PDCD6: variants seen among roughly 807,000 people sequenced by gnomAD.
PDCD6 encodes programmed cell death 6.
Under a neutral mutation model 28.3 loss-of-function variants are expected in PDCD6, and 12 were observed. The ratio of observed to expected loss-of-function variants is 0.42; its 90% CI spans 0.27 to 0.69. The LOEUF (loss-of-function observed/expected upper bound fraction) is 0.69, where lower values mean the gene tolerates loss of function less well. Ranked by LOEUF, PDCD6 falls within the 30% of genes least tolerant of loss-of-function variation. The pLI is 0.22. For synonymous variants in PDCD6, 92 were observed against 108.0 expected (o/e 0.85, Z 0.92); for missense variants, 226 against 269.9 (o/e 0.84, Z 1.14).
rs946512959 is a variant in PDCD6, at chr5:307,734, G to A, written c.367+974G>A. Reference sequence around the variant, plus strand: ...TCCTTAGAAACAGTGAGGAAAATTCGATTCTACTTGAGTACCTCCGAGATC... The same window carrying A: ...TCCTTAGAAACAGTGAGGAAAATTCAATTCTACTTGAGTACCTCCGAGATC... On this transcript the variant is annotated intron_variant, in intron 4 of 5. Coordinates refer to ENST00000264933, the MANE Select transcript of PDCD6 (RefSeq NM_013232.4). This position sits in a 1 kb window ranked among gnomAD's most constrained non-coding sequence, Gnocchi z 6.1. Among the ~76,000 whole-genome samples, 2 of 152,104 alleles carry A rather than the reference G, an allele frequency of 1.3e-5. No individual in the cohort carries two copies. Among genetic ancestry groups the A allele is most frequent in the Admixed American group, 6.5e-5 (1 of 15,280 alleles).
chr5:279,918 C>G (rs1299469871), intron 2 of PDCD6, among the ~76,000 whole-genome samples: 2 of 144,600 alleles, frequency 1.4e-5, no homozygotes, highest in African/African-American at 5.2e-5. Flanking sequence ...GGGCAAGTTC[C>G]GAGTGCTAGG....
chr5:272,112 C>A (rs1737858789), intron 1 of PDCD6, among the ~76,000 whole-genome samples: 1 of 151,386 alleles, frequency 6.6e-6, no homozygotes, highest in African/African-American at 2.5e-5. Context: ...TGCGTCGGGC[C>A]CTTCCCAAGA....
At chr5:284,660 G>A (rs1278236282) in intron 2 of PDCD6, among the ~76,000 whole-genome samples, 12 of 92,828 alleles carry the variant, frequency 1.3e-4, no homozygotes, top group African/African-American at 9.4e-4. Context: ...GAGACCGGGC[G>A]GGAGCTGATG....
chr5:289,989 C>A (rs1217473232), intron 2 of PDCD6: 2 of 1,600,930 alleles, frequency 1.2e-6, no homozygotes, highest in Non-Finnish European at 1.7e-6. Context: ...TATAGTTTCT[C>A]CTTGGATCTG....
chr5:279,205 C>G (rs1374676654), intron 2 of PDCD6, among the ~76,000 whole-genome samples: 10 of 151,880 alleles, frequency 6.6e-5, no homozygotes, highest in African/African-American at 2.4e-4. Context: ...TCATTCCCCC[C>G]TAAGAGTATG....
intron 2 of PDCD6, among the ~76,000 whole-genome samples, chr5:293,302 G>A (rs1739423174): frequency 6.7e-6 from 1 of 149,354 alleles, no homozygotes. Context: ...GATGGAGAAA[G>A]GTATGACAGG....
Position 314,829 on chromosome 5 carries a change from G to A in PDCD6, c.*314G>A, listed in dbSNP as rs979264025. 4 of 425,918 alleles carry A rather than the reference G, an allele frequency of 9.4e-6. No individual in the cohort carries two copies. Among genetic ancestry groups the A allele is most frequent in the African/African-American group, 2.0e-5 (1 of 49,506 alleles). The allele number at this position is 425,918 out of a possible 1,614,324, so 26.4% of individuals were successfully genotyped here. A position where few individuals can be genotyped will look rare whatever the true frequency, so the allele number is the denominator to read the frequency against. ...TTCTAGATGTCTCTGGTTCTATAGTGCAAATGCTTTTATTAGCCAATAGGA... is the reference window on the plus strand; with the variant it reads ...TTCTAGATGTCTCTGGTTCTATAGTACAAATGCTTTTATTAGCCAATAGGA... On this transcript the variant is annotated 3_prime_UTR_variant, in exon 6 of 6. Coordinates refer to ENST00000264933, the MANE Select transcript of PDCD6 (RefSeq NM_013232.4).
chr5:296,446 G>A (rs1444114613), intron 2 of PDCD6, among the ~76,000 whole-genome samples: 3 of 152,204 alleles, frequency 2.0e-5, no homozygotes, highest in African/African-American at 4.8e-5. Context: ...ACAGACCTAA[G>A]TGGGAAGAGA....
At chr5:309,588 GGCCGCCGTCCCCGTGC>G (rs1740762520) in intron 4 of PDCD6, 1 of 234,208 alleles carries the variant, frequency 4.3e-6, no homozygotes, top group East Asian at 1.8e-4. Flanking sequence ...CCCCAGTGAT[GGCCGCCGTCCCCGTGC>G]ACCCCAGTGA....
chr5:306,685 G>T lies in PDCD6; in HGVS notation c.292G>T (p.Val98Phe), dbSNP rs777478206. 4 of 1,614,046 alleles carry T rather than the reference G, an allele frequency of 2.5e-6. No homozygotes were observed. Among genetic ancestry groups the T allele is most frequent in the Non-Finnish European group, 3.4e-6 (4 of 1,179,992 alleles). ...VWKYITDWQN[V>F]FRTYDRDNSG... ...GAAGTACATCACGGACTGGCAGAAC[G>T]TCTTCCGCACGTACGACCGGGACAA... The change falls in exon 4 of 6, where the codon GTC becomes TTC. Residue 98 changes from valine to phenylalanine, a missense_variant. Around this residue, in one of 3 missense-constraint regions of PDCD6, gnomAD observed 151 missense variants for 177.2 expected, o/e 0.85. Transcript: ENST00000264933.
rs1740374299 is a variant in PDCD6 at position 305,002 on chromosome 5, G to T, written c.208+781G>T. ...CCCCCATGCCCAGACGGTAGCCGGG[G>T]TGTGAGCTGAGGCTCCAGGCGCAGG... On this transcript the variant is annotated intron_variant, in intron 3 of 5. Transcript: ENST00000264933. This position sits in a 1 kb window ranked among gnomAD's most constrained non-coding sequence, Gnocchi z 4.0. 1 of 152,188 alleles carries T rather than the reference G, an allele frequency of 6.6e-6. No homozygotes were observed. The highest frequency in any genetic ancestry group is 1.5e-5 in the Non-Finnish European group (1 of 68,022). 9.4% of individuals were successfully genotyped at this position (152,188 alleles called of 1,614,324 possible).
At chr5:280,382 G>T (rs1220284820) in intron 2 of PDCD6, among the ~76,000 whole-genome samples, 1 of 150,476 alleles carries the variant, frequency 6.6e-6, no homozygotes, top group African/African-American at 2.4e-5. Context: ...GGATGGTGCT[G>T]GCATTTAAGA....
At chr5:311,582 T>G in intron 5 of PDCD6, 180 bp downstream of exon 5, 7 of 571,324 alleles carry the variant, frequency 1.2e-5, no homozygotes, top group East Asian at 5.9e-5. Context: ...CAAACATGTT[T>G]TCCTCCCCTT....
At chr5:299,417 T>C (rs564733825) in intron 2 of PDCD6, among the ~76,000 whole-genome samples, 16 of 150,574 alleles carry the variant, frequency 1.1e-4, no homozygotes, top group Admixed American at 4.0e-4. Flanking sequence ...TTTCATCCAT[T>C]ATCCTCCTAG....
intron 2 of PDCD6, among the ~76,000 whole-genome samples, chr5:301,998 G>A (rs1740089430): frequency 7.0e-6 from 1 of 143,870 alleles, no homozygotes; most frequent in African/African-American, 2.6e-5. Context: ...TCGGGTTCAG[G>A]TGCACCTGCC....
chr5:282,940 G>T (rs1340742472), intron 2 of PDCD6, among the ~76,000 whole-genome samples: 1 of 152,078 alleles, frequency 6.6e-6, no homozygotes, highest in Admixed American at 6.6e-5. Context: ...GACTCGGGGA[G>T]GAGCTGAGGT....
At chr5:312,651 C>A (rs1318588494) in intron 5 of PDCD6, among the ~76,000 whole-genome samples, 1 of 151,980 alleles carries the variant, frequency 6.6e-6, no homozygotes, top group African/African-American at 2.4e-5. Context: ...TGAACACTTT[C>A]AAAAAAGTGT....
chr5:306,493 G>A, intron 3 of PDCD6, 109 bp from the exon 4 acceptor site: 1 of 1,010,634 alleles, frequency 9.9e-7, no homozygotes, highest in Non-Finnish European at 1.5e-6. Context: ...CTGGTTAGTG[G>A]TCAGCAGTGG....
chr5:298,460 C>T (rs1171958642), intron 2 of PDCD6, among the ~76,000 whole-genome samples: 8 of 152,108 alleles, frequency 5.3e-5, no homozygotes, highest in Middle Eastern at 3.4e-3. Context: ...AAGGAGGGGA[C>T]GGGAGGCCTG....
Sources: gnomAD v4.1 joint callset for allele counts (sites outside exome capture counted in the v4.1 genomes callset) on GRCh38, gnomAD v4.1.1 for gene constraint, gnomAD v4.1.1 regional missense constraint, Gnocchi (gnomAD v3.1) non-coding constraint, MANE v1.5 for transcripts, NCBI Gene and HGNC (gene_info 2026-07-23, HGNC 2026-07-21) for gene names.